Variants in ARHGAP26 observed in about 807,000 individuals in gnomAD.
The protein encoded by ARHGAP26 is rho GTPase-activating protein 26.
In ARHGAP26, 38 loss-of-function variants were observed where a neutral mutation model predicts 104.8. The observed-to-expected ratio is 0.36, with a 90% CI of 0.28 to 0.48. The LOEUF (loss-of-function observed/expected upper bound fraction) is 0.48. Ranked by LOEUF, ARHGAP26 falls within the 20% of genes least tolerant of loss-of-function variation. The pLI, the probability that ARHGAP26 is intolerant of heterozygous loss-of-function variation, is 0.99. For missense variants in ARHGAP26, 704 were observed against 947.9 expected (o/e 0.74, Z 3.38); for synonymous variants, 341 against 340.0 (o/e 1.00, Z -0.03).
chr5:143,014,185 A>T, intron 12 of ARHGAP26, 69 bp downstream of exon 12: 1 of 1,554,024 alleles, frequency 6.4e-7, no homozygotes, highest in Non-Finnish European at 8.9e-7. Context: ...TTGCTACTCC[A>T]GGTGTGAACC....
intron 1 of ARHGAP26, among the ~76,000 whole-genome samples, chr5:142,821,482 A>G (rs1019302851): frequency 6.6e-6 from 1 of 151,966 alleles, no homozygotes; most frequent in African/African-American, 2.4e-5. Flanking sequence ...TTATAGTCTC[A>G]GAGTCATCTG....
At chr5:143,051,735 T>C (rs1785059867) in intron 14 of ARHGAP26, among the ~76,000 whole-genome samples, 1 of 152,240 alleles carries the variant, frequency 6.6e-6, no homozygotes, top group Non-Finnish European at 1.5e-5. Context: ...TCCTCTCTAA[T>C]GTTACGCAAT....
At chr5:142,985,154 AAAT>A (rs776750147) in intron 11 of ARHGAP26, among the ~76,000 whole-genome samples, 6 of 152,152 alleles carry the variant, frequency 3.9e-5, no homozygotes, top group African/African-American at 7.2e-5. Flanking sequence ...TTAAAAAGGA[AAAT>A]AATAATAATA....
chr5:143,038,472 G>T (rs1399460310), intron 13 of ARHGAP26, among the ~76,000 whole-genome samples: 12 of 152,136 alleles, frequency 7.9e-5, no homozygotes, highest in African/African-American at 2.9e-4. Flanking sequence ...TAAAGTAGAA[G>T]TAGGTGACAT....
intron 17 of ARHGAP26, among the ~76,000 whole-genome samples, chr5:143,082,141 A>G (rs964479989): frequency 2.0e-5 from 3 of 151,240 alleles, no homozygotes; most frequent in Non-Finnish European, 4.4e-5. Context: ...TTGCTTTGCT[A>G]TTTATAACTT....
intron 17 of ARHGAP26, among the ~76,000 whole-genome samples, chr5:143,118,150 A>G (rs1795715190): frequency 6.6e-6 from 1 of 152,218 alleles, no homozygotes; most frequent in Non-Finnish European, 1.5e-5. Flanking sequence ...TTTGCCAAGC[A>G]AAGAAAGCAG....
At position 143,041,816 on chromosome 5, in the gene ARHGAP26, G is replaced by A; in HGVS notation, c.1211G>A (p.Gly404Glu). 1 of 1,607,130 alleles carries A rather than the reference G, an allele frequency of 6.2e-7. No homozygotes were observed. The highest frequency in any genetic ancestry group is 8.5e-7 in the Non-Finnish European group (1 of 1,176,404). Residue 404 changes from glycine (G) to glutamate (E), a missense_variant and splice_region_variant, in exon 14 of 23, where the codon GGG becomes GAG. Coordinates refer to ENST00000645722, the MANE Select transcript of ARHGAP26 (RefSeq NM_001135608.3). ...AAATCATCACTGTTTCTTTCCTCAG[G>A]GATCAACGAGCAAGGGCTGTATCGA... is the stretch of plus-strand genomic sequence containing the variant. Reference protein sequence around the residue: ...RKCIHAVETRGINEQGLYRIV... With the variant: ...RKCIHAVETREINEQGLYRIV...
At chr5:143,138,270 C>G (rs1344532156) in intron 19 of ARHGAP26, among the ~76,000 whole-genome samples, 1 of 152,182 alleles carries the variant, frequency 6.6e-6, no homozygotes. Flanking sequence ...AGTTATAAGA[C>G]AGCAAGTCGC....
At chr5:142,929,197 A>T (rs1764365342) in intron 10 of ARHGAP26, among the ~76,000 whole-genome samples, 1 of 152,142 alleles carries the variant, frequency 6.6e-6, no homozygotes, top group Non-Finnish European at 1.5e-5. Context: ...TCGGCCTCCC[A>T]GAGTGCTGGG....
chr5:143,222,275 A>G (rs62376104), intron 22 of ARHGAP26, 83 bp from the exon 23 acceptor site: 1 of 622,794 alleles, frequency 1.6e-6, no homozygotes, highest in Non-Finnish European at 2.5e-6. Flanking sequence ...ACACACACAC[A>G]CACACACACC....
At chr5:143,046,910 T>A (rs1160490790) in intron 14 of ARHGAP26, among the ~76,000 whole-genome samples, 1 of 152,236 alleles carries the variant, frequency 6.6e-6, no homozygotes, top group Non-Finnish European at 1.5e-5. Flanking sequence ...TTTTGTCATA[T>A]GACATCAAAA....
At chr5:143,092,158 G>GTTTTTTTTTTTTTTTTTTTTTTTTT (rs896970979) in intron 17 of ARHGAP26, among the ~76,000 whole-genome samples, 1 of 117,500 alleles carries the variant, frequency 8.5e-6, no homozygotes. Context: ...ACATCCCTTT[G>GTTTTTTTTTTTTTTTTTTTTTTTTT]TTTTTTTTTT....
Position 142,808,929 on chromosome 5 carries a change from T to C in ARHGAP26, c.154+38014T>C, listed in dbSNP as rs544537701. On this transcript the variant is annotated intron_variant, in intron 1 of 22. Coordinates refer to ENST00000645722, the MANE Select transcript of ARHGAP26 (RefSeq NM_001135608.3). The stretch of plus-strand genomic sequence containing the variant: ...TCATCCATATATGGCACCTTACTTA[T>C]TAAGCTTGTGTCCTTGTCCTTTCTA... Among the ~76,000 whole-genome samples, 4 of 152,358 alleles carry C rather than the reference T, an allele frequency of 2.6e-5. No homozygotes were observed. In the South Asian group the frequency reaches 6.2e-4, roughly 24 times the overall value.
intron 20 of ARHGAP26, among the ~76,000 whole-genome samples, chr5:143,162,305 A>ACACACACT (rs1364938168): frequency 7.2e-6 from 1 of 137,964 alleles, no homozygotes; most frequent in Non-Finnish European, 1.7e-5. Context: ...ACACACACAC[A>ACACACACT]CACACACGCA....
chr5:142,931,093 G>A (rs1035434893), intron 10 of ARHGAP26, among the ~76,000 whole-genome samples: 3 of 152,208 alleles, frequency 2.0e-5, no homozygotes. Context: ...TTTTAAAGAG[G>A]ATGGTTTTAA....
chr5:143,050,478 C>T (rs2150217820), intron 14 of ARHGAP26, among the ~76,000 whole-genome samples: 1 of 152,298 alleles, frequency 6.6e-6, no homozygotes, highest in East Asian at 1.9e-4. Flanking sequence ...CCGATCCAGC[C>T]ATGAACTATC....
intron 20 of ARHGAP26, among the ~76,000 whole-genome samples, chr5:143,157,542 T>C (rs778366056): frequency 1.4e-4 from 22 of 152,190 alleles, no homozygotes; most frequent in Non-Finnish European, 2.5e-4. Context: ...AAGGGGCATC[T>C]CTTACGCTAC....
intron 1 of ARHGAP26, among the ~76,000 whole-genome samples, chr5:142,869,130 G>C (rs940128490): frequency 2.6e-5 from 4 of 151,866 alleles, no homozygotes; most frequent in Non-Finnish European, 5.9e-5. Context: ...GGCCAATCCT[G>C]TTGCAAGTTC....
intron 3 of ARHGAP26, among the ~76,000 whole-genome samples, chr5:142,876,124 A>G (rs1027901501): frequency 6.6e-6 from 1 of 152,104 alleles, no homozygotes; most frequent in African/African-American, 2.4e-5. Flanking sequence ...CCATATCCCT[A>G]AGATATGAGG....
Sources: allele counts gnomAD v4.1 joint callset (sites outside exome capture counted in the v4.1 genomes callset), GRCh38; gene constraint gnomAD v4.1.1; transcripts MANE v1.5; gene names NCBI Gene and HGNC (gene_info 2026-07-23, HGNC 2026-07-21).